The following IL17RB variants were observed in gnomAD, a reference collection of about 807,000 sequenced individuals.
IL17RB encodes the protein interleukin-17 receptor B.
A neutral mutation model predicts 43.9 loss-of-function variants in IL17RB; 36 were observed. The observed-to-expected ratio is 0.82, with a 90% CI of 0.63 to 1.08. IL17RB has a LOEUF of 1.08. Among genes scored for constraint, IL17RB ranks in the 50% least tolerant of loss-of-function variants. The pLI is 0.00. For missense variants in IL17RB, 613 were observed against 613.6 expected (o/e 1.00, Z 0.01); for synonymous variants, 225 against 225.4 (o/e 1.00, Z 0.02).
intron 10 of IL17RB, among the ~76,000 whole-genome samples, chr3:53,864,483 C>G (rs949034639): frequency 1.3e-5 from 2 of 151,906 alleles, no homozygotes; most frequent in Non-Finnish European, 2.9e-5. Flanking sequence ...TGTAGTCAGC[C>G]GAGGTCACGC....
chr3:53,858,246 C>G, intron 8 of IL17RB: 1 of 600,876 alleles, frequency 1.7e-6, no homozygotes, highest in Non-Finnish European at 2.1e-6. Flanking sequence ...TGCTTCATTC[C>G]CTGGCATAAA....
intron 1 of IL17RB, 49 bp downstream of exon 1, chr3:53,846,697 A>G (rs772432490): frequency 2.0e-6 from 3 of 1,528,024 alleles, no homozygotes; most frequent in Middle Eastern, 1.7e-4. Flanking sequence ...CCTCGAGCCC[A>G]GATCCTGACG....
rs3017 is a variant in IL17RB at position 53,865,553 on chromosome 3, A to G, written c.*245A>G. The stretch of plus-strand genomic sequence containing the variant: ...TCAATTACAGTTTTAATTGAAAACT[A>G]TAACCATTTTGATAATGCAACAATA... On this transcript the variant is annotated 3_prime_UTR_variant, in exon 11 of 11. Transcript: ENST00000288167. 0.36 allele frequency: 165,143 copies of G among 463,110 alleles called. 30,347 individuals carry two copies. Among genetic ancestry groups the G allele is most frequent in the East Asian group, 0.52 (14,498 of 28,074 alleles). 28.7% of individuals were successfully genotyped at this position (463,110 alleles called of 1,614,324 possible). A position where few individuals can be genotyped will look rare whatever the true frequency, so the allele number is the denominator to read the frequency against.
chr3:53,864,758 A>C lies in IL17RB; in HGVS notation c.959A>C (p.Lys320Thr), dbSNP rs138203118. 4.8e-4 allele frequency: 779 copies of C among 1,607,248 alleles called. No homozygotes were observed. The highest frequency in any genetic ancestry group is 6.4e-4 in the Non-Finnish European group (759 of 1,176,914). ...YLMWRHERIKKTSFSTTTLLP... is the reference protein window; with the variant it reads ...YLMWRHERIKTTSFSTTTLLP... ...TCTCCTCTCACAGAAAGGATCAAGA[A>C]GACTTCCTTTTCTACCACCACACTA... The change falls in exon 11 of 11, where the codon AAG becomes ACG. Residue 320 changes from lysine (K) to threonine (T), a missense_variant. By Grantham distance (78) the Lys-to-Thr change is moderately conservative (BLOSUM62 -1). Transcript: ENST00000288167.
intron 9 of IL17RB, chr3:53,859,034 CTT>C (rs1699459142): frequency 2.1e-6 from 1 of 474,630 alleles, no homozygotes; most frequent in African/African-American, 1.9e-5. Context: ...ACTCGTGACT[CTT>C]TACAAAGCAG....
At position 53,849,658 on chromosome 3, in the gene IL17RB, C is replaced by T; in HGVS notation, c.89C>T (p.Pro30Leu). The change falls in exon 3 of 11, where the codon CCA (proline) becomes CTA (leucine). Residue 30 changes from proline (P) to leucine (L), a missense_variant. Coordinates refer to ENST00000288167, the MANE Select transcript of IL17RB (RefSeq NM_018725.4). ...TGGAAGTCTTGCTTTTTCCCAGGGC[C>T]ATCTCCAGAGTGGATGCTACAACAT... ...PTVQCGSETG[P>L]SPEWMLQHDL... The T allele has an allele frequency of 6.3e-7, 1 of 1,598,390 alleles. No homozygotes were observed. Among genetic ancestry groups the T allele is most frequent in the Non-Finnish European group, 8.5e-7 (1 of 1,171,782 alleles).
intron 8 of IL17RB, chr3:53,858,282 C>A: frequency 1.1e-6 from 1 of 893,946 alleles, no homozygotes; most frequent in Non-Finnish European, 1.3e-6. Flanking sequence ...CCAGAGGGGG[C>A]AGGCACCAGC....
At chr3:53,851,059 G>T (rs1289376264) in intron 3 of IL17RB, among the ~76,000 whole-genome samples, 1 of 152,210 alleles carries the variant, frequency 6.6e-6, no homozygotes, top group African/African-American at 2.4e-5. Flanking sequence ...GGCTTAGATA[G>T]ATTACTTTTC....
At position 53,855,320 on chromosome 3, in the gene IL17RB, A is replaced by T. The variant is rs527321039; in HGVS notation, c.508A>T (p.Lys170Ter). 23 of 1,583,792 alleles carry T rather than the reference A, an allele frequency of 1.5e-5. No homozygotes were observed. Among genetic ancestry groups the T allele is most frequent in the South Asian group, 5.6e-5 (5 of 89,242 alleles). The change falls in exon 6 of 11, where the codon AAA becomes TAA. Residue 170 changes from lysine (K) to a stop codon, truncating the protein, a stop_gained. Coordinates refer to ENST00000288167, the MANE Select transcript of IL17RB (RefSeq NM_018725.4). LOFTEE classifies it high-confidence loss of function. ...PGCLDHIMKY[K>*]KKCVKAGSLW... ...CTGCCTAGACCACATAATGAAATAT[A>T]AAAAAAAGTGTGTCAAGGCCGGTAA...
rs766805379 is a variant in IL17RB, at chr3:53,848,754, C to G, written c.85+66C>G. 2.6e-6 allele frequency: 4 copies of G among 1,527,146 alleles called. No individual in the cohort carries two copies. The African/African-American group carries it at 5.5e-5, about 21-fold the overall frequency. The allele number at this position is 1,527,146 out of a possible 1,614,324, so 94.6% of individuals were successfully genotyped here. On this transcript the variant is annotated intron_variant, in intron 2 of 10. Coordinates refer to ENST00000288167, the MANE Select transcript of IL17RB (RefSeq NM_018725.4). ...AAAGCACAGTTGGACTTTTAGGAAG[C>G]CTAATATAGGCAATAGGTCATCGAA...
rs57986255 is a variant in IL17RB, at chr3:53,850,499, C to CAAAAA, written c.226+716_226+720dup. Among the ~76,000 whole-genome samples, 26 of 81,890 alleles carry CAAAAA rather than the reference C, an allele frequency of 3.2e-4. 1 individual carries two copies. Among genetic ancestry groups the CAAAAA allele is most frequent in the East Asian group, 2.1e-3 (7 of 3,360 alleles). The allele number at this position is 81,890 out of a possible 152,430, so 53.7% of individuals were successfully genotyped here. On this transcript the variant is annotated intron_variant, in intron 3 of 10. Transcript: ENST00000288167. ...TGGGCAACAGAGTGAAACTCCGTCT[C>CAAAAA]AAAAAAAAAAAAAAAAGCAAAAGAC...
At chr3:53,860,339 G>C in intron 10 of IL17RB, 111 bp downstream of exon 10, 2 of 800,498 alleles carry the variant, frequency 2.5e-6, no homozygotes, top group Non-Finnish European at 4.1e-6. Context: ...CCCAGAGTTA[G>C]ATAGCATTTA....
intron 3 of IL17RB, among the ~76,000 whole-genome samples, chr3:53,851,625 G>C (rs1699151404): frequency 6.6e-6 from 1 of 152,188 alleles, no homozygotes; most frequent in African/African-American, 2.4e-5. Flanking sequence ...CAGTCTTGGA[G>C]GGTCTTTGTG....
rs2232336 is a variant in IL17RB, at chr3:53,855,285, A to C, written c.482-9A>C. Reference sequence around the variant, plus strand: ...TCTAAAATGTAAAAACTTTCATTCAAATTTCCAGGCTGCCTAGACCACATA... The same window carrying C: ...TCTAAAATGTAAAAACTTTCATTCACATTTCCAGGCTGCCTAGACCACATA... On this transcript the variant is annotated splice_polypyrimidine_tract_variant and intron_variant, in intron 5 of 10. Transcript: ENST00000288167. 1.9e-5 allele frequency: 30 copies of C among 1,600,948 alleles called. No homozygotes were observed. The African/African-American group carries it at 3.5e-4, about 19-fold the overall frequency.
chr3:53,855,116 CAAAAAAAAAAAA>C (rs746854673), intron 5 of IL17RB, among the ~76,000 whole-genome samples, 166 bp from the exon 6 acceptor site: 2 of 69,404 alleles, frequency 2.9e-5, no homozygotes, highest in African/African-American at 5.6e-5. Context: ...GACTCCGGCT[CAAAAAAAAAAAA>C]AAAAAAAAAA....
rs990850040 is a variant in IL17RB at position 53,858,596 on chromosome 3, A to G, written c.748-123A>G. ...ATGTGTGACCAAGGGGAAAATGTGC[A>G]TGACAACACTAGAGGTATGGGCGAA... On this transcript the variant is annotated intron_variant, in intron 8 of 10. Coordinates refer to ENST00000288167, the MANE Select transcript of IL17RB (RefSeq NM_018725.4). The G allele has an allele frequency of 4.1e-6, 6 of 1,468,464 alleles. No individual in the cohort carries two copies. In the African/African-American group the frequency reaches 4.2e-5, roughly 10 times the overall value. 91.0% of individuals were successfully genotyped at this position (1,468,464 alleles called of 1,614,324 possible). A position where few individuals can be genotyped will look rare whatever the true frequency, so the allele number is the denominator to read the frequency against.
At chr3:53,853,654 G>A (rs1239930786) in intron 5 of IL17RB, among the ~76,000 whole-genome samples, 2 of 152,168 alleles carry the variant, frequency 1.3e-5, no homozygotes, top group Non-Finnish European at 2.9e-5. Flanking sequence ...GATGGTGTGT[G>A]TGAAGGGTCT....
intron 1 of IL17RB, among the ~76,000 whole-genome samples, chr3:53,848,395 A>C (rs1306995858): frequency 6.6e-6 from 1 of 152,264 alleles, no homozygotes; most frequent in Non-Finnish European, 1.5e-5. Context: ...ATCCAGAGAC[A>C]GATGGAGACC....
At chr3:53,861,138 A>G (rs762661964) in intron 10 of IL17RB, 10 of 152,184 alleles carry the variant, frequency 6.6e-5, no homozygotes, top group Non-Finnish European at 1.2e-4. Flanking sequence ...AGTAAATTAC[A>G]TATCACAGTA....
Sources: allele counts gnomAD v4.1 joint callset (sites outside exome capture counted in the v4.1 genomes callset), GRCh38; gene constraint gnomAD v4.1.1; transcripts MANE v1.5; gene names NCBI Gene and HGNC (gene_info 2026-07-23, HGNC 2026-07-21).